The following TMEM163 variants were observed in gnomAD, a reference collection of about 807,000 sequenced individuals.
The protein encoded by TMEM163 is transmembrane protein 163.
A neutral mutation model predicts 29.3 loss-of-function variants in TMEM163; 17 were observed. The ratio of observed to expected loss-of-function variants is 0.58; its 90% CI spans 0.40 to 0.87. The LOEUF is 0.87. Ranked by LOEUF, TMEM163 falls within the 40% of genes least tolerant of loss-of-function variation. The pLI, the probability that TMEM163 is intolerant of heterozygous loss-of-function variation, is 0.00. For missense variants in TMEM163, 303 were observed against 381.5 expected, an observed-to-expected ratio of 0.79 and a Z score of 1.71; for synonymous variants, 157 against 160.6, an observed-to-expected ratio of 0.98 and a Z score of 0.17.
chr2:134,701,182 C>A, intron 2 of TMEM163, among the ~76,000 whole-genome samples: 2 of 151,184 alleles, frequency 1.3e-5, no homozygotes, highest in African/African-American at 4.9e-5. Flanking sequence ...AAAGTAAAAC[C>A]ATAAAAATTA....
chr2:134,552,642 G>T (rs540188583), intron 2 of TMEM163, among the ~76,000 whole-genome samples: 1 of 147,442 alleles, frequency 6.8e-6, no homozygotes, highest in East Asian at 2.0e-4. Flanking sequence ...TTCTAATTAC[G>T]ACATATTTTG....
intron 2 of TMEM163, among the ~76,000 whole-genome samples, chr2:134,698,639 T>C (rs1684630149): frequency 6.6e-6 from 1 of 152,142 alleles, no homozygotes. Flanking sequence ...TATCTTCTTG[T>C]TTTGGACAGT....
intron 2 of TMEM163, among the ~76,000 whole-genome samples, chr2:134,573,893 G>A (rs1348302286): frequency 1.3e-5 from 2 of 152,128 alleles, no homozygotes; most frequent in African/African-American, 4.8e-5. Context: ...TAGAGCCCAG[G>A]AACCCAGGGA....
At chr2:134,637,559 CACA>C (rs529310122) in intron 2 of TMEM163, among the ~76,000 whole-genome samples, 63 of 152,198 alleles carry the variant, frequency 4.1e-4, no homozygotes, top group Non-Finnish European at 7.5e-4. Flanking sequence ...CATACAATTT[CACA>C]ACAATATCCG....
intron 2 of TMEM163, among the ~76,000 whole-genome samples, chr2:134,680,886 G>GA: frequency 6.6e-6 from 1 of 152,336 alleles, no homozygotes; most frequent in East Asian, 1.9e-4. Context: ...GAGTTGTCAT[G>GA]AGAATTACAC....
At chr2:134,588,432 C>T (rs13403913) in intron 2 of TMEM163, among the ~76,000 whole-genome samples, 1,593 of 152,236 alleles carry the variant, frequency 0.01, 19 homozygotes, top group African/African-American at 0.028. Flanking sequence ...CAATTATCAC[C>T]TTGGGGTCCA....
chr2:134,494,933 A>C (rs1449414641), intron 5 of TMEM163, among the ~76,000 whole-genome samples: 1 of 152,184 alleles, frequency 6.6e-6, no homozygotes, highest in Non-Finnish European at 1.5e-5. Flanking sequence ...CGCTGACTGC[A>C]TGGGCAGCAA....
intron 5 of TMEM163, among the ~76,000 whole-genome samples, chr2:134,502,342 C>T (rs1574183826): frequency 6.6e-6 from 1 of 152,114 alleles, no homozygotes; most frequent in Non-Finnish European, 1.5e-5. Flanking sequence ...TCTCAGCACT[C>T]ATAAGGGGAG....
chr2:134,539,893 TG>T (rs1680627871), intron 4 of TMEM163, among the ~76,000 whole-genome samples: 1 of 152,160 alleles, frequency 6.6e-6, no homozygotes, highest in Admixed American at 6.5e-5. Context: ...CTGACCAAGG[TG>T]GCCACAAAGG....
At chr2:134,510,284 G>T (rs1049428238) in intron 4 of TMEM163, among the ~76,000 whole-genome samples, 1 of 152,186 alleles carries the variant, frequency 6.6e-6, no homozygotes, top group African/African-American at 2.4e-5. Context: ...AAAAGGATAG[G>T]ATAGCTAGTA....
At chr2:134,484,598 C>A (rs528311496) in intron 5 of TMEM163, among the ~76,000 whole-genome samples, 7 of 152,016 alleles carry the variant, frequency 4.6e-5, no homozygotes, top group Non-Finnish European at 8.8e-5. Flanking sequence ...GTGTAACTGA[C>A]GTATATATCC....
chr2:134,570,847 TAGAGGAG>T (rs1340303541), intron 2 of TMEM163, among the ~76,000 whole-genome samples: 1 of 152,074 alleles, frequency 6.6e-6, no homozygotes, highest in Non-Finnish European at 1.5e-5. Context: ...GAAGCTGACA[TAGAGGAG>T]AGAAGAGAGA....
At chr2:134,686,095 G>C (rs1684345123) in intron 2 of TMEM163, among the ~76,000 whole-genome samples, 1 of 152,230 alleles carries the variant, frequency 6.6e-6, no homozygotes, top group African/African-American at 2.4e-5. Context: ...GTGGCATCTG[G>C]GTCCACTTGT....
chr2:134,463,747 C>A (rs749268204), intron 6 of TMEM163, among the ~76,000 whole-genome samples: 3 of 152,244 alleles, frequency 2.0e-5, no homozygotes, highest in Non-Finnish European at 4.4e-5. Flanking sequence ...AAGGCAGAAA[C>A]TGGAAAGGGA....
At chr2:134,642,791 G>C (rs1289008524) in intron 2 of TMEM163, among the ~76,000 whole-genome samples, 1 of 151,892 alleles carries the variant, frequency 6.6e-6, no homozygotes, top group African/African-American at 2.4e-5. Context: ...CTTCAAAAAA[G>C]AATTTGAAAA....
chr2:134,628,659 G>A (rs770256911), intron 2 of TMEM163, among the ~76,000 whole-genome samples: 18 of 152,230 alleles, frequency 1.2e-4, no homozygotes, highest in Non-Finnish European at 1.0e-4. Flanking sequence ...ATCATTGCTG[G>A]GAGGATTAAG....
chr2:134,650,216 C>A (rs956344669), intron 2 of TMEM163, among the ~76,000 whole-genome samples: 6 of 151,810 alleles, frequency 4.0e-5, no homozygotes, highest in African/African-American at 1.5e-4. Flanking sequence ...CATATTTCAA[C>A]TCATTAACAC....
intron 4 of TMEM163, among the ~76,000 whole-genome samples, chr2:134,532,864 T>G (rs551399997): frequency 4.3e-4 from 66 of 152,318 alleles, no homozygotes; most frequent in Admixed American, 6.5e-4. Context: ...AGCCACTCCA[T>G]GAACAATCAA....
At chr2:134,581,763 T>A (rs967179223) in intron 2 of TMEM163, among the ~76,000 whole-genome samples, 2 of 152,206 alleles carry the variant, frequency 1.3e-5, no homozygotes, top group African/African-American at 4.8e-5. Flanking sequence ...AGCATATGCA[T>A]ATACACATGT....
Sources: gnomAD v4.1 joint callset for allele counts (sites outside exome capture counted in the v4.1 genomes callset) on GRCh38, gnomAD v4.1.1 for gene constraint, MANE v1.5 for transcripts, NCBI Gene and HGNC (gene_info 2026-07-23, HGNC 2026-07-21) for gene names.